The following HECW2 variants were observed in gnomAD, a reference collection of about 807,000 sequenced individuals.
The protein encoded by HECW2 is HECT, C2 and WW domain containing E3 ubiquitin protein ligase 2.
A neutral mutation model predicts 175.2 loss-of-function variants in HECW2; 61 were observed. That is an observed-to-expected ratio of 0.35 (90% CI 0.28 to 0.43). The LOEUF is 0.43. Among genes scored for constraint, HECW2 ranks in the 20% least tolerant of loss-of-function variants. The probability of loss-of-function intolerance (pLI) is 1.00; values close to 1 mark genes in which losing one functional copy is unlikely to be tolerated. For synonymous variants in HECW2, 671 were observed against 731.0 expected (o/e 0.92, Z 1.32); for missense variants, 1,524 against 2,000.5 (o/e 0.76, Z 4.54).
intron 20 of HECW2, among the ~76,000 whole-genome samples, chr2:196,241,194 T>C (rs1358579810): frequency 6.6e-6 from 1 of 152,214 alleles, no homozygotes; most frequent in East Asian, 1.9e-4. Flanking sequence ...TTGCTCTTAA[T>C]GTAAATGGTA....
chr2:196,390,680 A>C (rs1694480882), intron 2 of HECW2, among the ~76,000 whole-genome samples: 1 of 152,156 alleles, frequency 6.6e-6, no homozygotes. Flanking sequence ...TTATTAACAC[A>C]ACAGTTTCAT....
At chr2:196,512,863 T>C (rs1688001986) in intron 1 of HECW2, among the ~76,000 whole-genome samples, 1 of 152,140 alleles carries the variant, frequency 6.6e-6, no homozygotes, top group Non-Finnish European at 1.5e-5. Context: ...CTAATTTTTT[T>C]GTATTTTTAG....
intron 18 of HECW2, 84 bp from the exon 19 acceptor site, chr2:196,254,113 T>G: frequency 1.0e-5 from 16 of 1,545,926 alleles, no homozygotes; most frequent in Non-Finnish European, 1.3e-5. Flanking sequence ...GAATATTCCA[T>G]CCAAGATCCG....
At chr2:196,277,250 AAGT>A (rs1689992582) in intron 15 of HECW2, among the ~76,000 whole-genome samples, 1 of 152,186 alleles carries the variant, frequency 6.6e-6, no homozygotes, top group African/African-American at 2.4e-5. Context: ...CAAATCGGTA[AAGT>A]AGAGCAGTTT....
Position 196,335,207 on chromosome 2 carries a change from C to T in HECW2, c.401-689G>A, listed in dbSNP as rs138859890. 1.8e-3 allele frequency among the ~76,000 whole-genome samples: 276 copies of T among 152,320 alleles called. 1 individual carries two copies. Among genetic ancestry groups the T allele is most frequent in the African/African-American group, 6.1e-3 (252 of 41,562 alleles). Reference sequence around the variant, plus strand: ...ATCTCACAGCTTGTGGCAATCCACACATTTCATACATTTTTTTCTGATAAT... The same window carrying T: ...ATCTCACAGCTTGTGGCAATCCACATATTTCATACATTTTTTTCTGATAAT... On this transcript the variant is annotated intron_variant, in intron 3 of 28. Coordinates refer to ENST00000644978, the MANE Select transcript of HECW2 (RefSeq NM_001348768.2).
chr2:196,281,363 C>T (rs187172543), intron 14 of HECW2, among the ~76,000 whole-genome samples: 128 of 152,196 alleles, frequency 8.4e-4, no homozygotes, highest in African/African-American at 2.8e-3. Flanking sequence ...TTGGGCCAGG[C>T]GCGATGGCTC....
rs767728230 is a variant in HECW2 at position 196,194,985 on chromosome 2, G to A, written c.*6292C>T. Reference sequence around the variant, plus strand: ...TAGATTAATACTTTCAGTAAGAGGCGAGAGAGATGCATGTATTTTTATTCA... The same window carrying A: ...TAGATTAATACTTTCAGTAAGAGGCAAGAGAGATGCATGTATTTTTATTCA... On this transcript the variant is annotated 3_prime_UTR_variant, in exon 29 of 29. Transcript: ENST00000644978. 1.3e-5 allele frequency: 2 copies of A among 152,148 alleles called. No homozygotes were observed. Among genetic ancestry groups the A allele is most frequent in the East Asian group, 1.9e-4 (1 of 5,200 alleles). The allele number at this position is 152,148 out of a possible 1,614,324, so 9.4% of individuals were successfully genotyped here.
At chr2:196,207,259 T>C (rs987485225) in intron 28 of HECW2, among the ~76,000 whole-genome samples, 2 of 152,184 alleles carry the variant, frequency 1.3e-5, no homozygotes, top group Admixed American at 6.5e-5. Flanking sequence ...GGACAGATGA[T>C]GAATTCAAGG....
chr2:196,575,132 C>CAA (rs1160625775), intron 1 of HECW2, among the ~76,000 whole-genome samples: 1 of 103,130 alleles, frequency 9.7e-6, no homozygotes, highest in African/African-American at 3.7e-5. Flanking sequence ...AGACATTTTG[C>CAA]AAAAAAAAAA....
At chr2:196,202,858 T>C (rs185720465) in intron 28 of HECW2, among the ~76,000 whole-genome samples, 273 of 152,308 alleles carry the variant, frequency 1.8e-3, no homozygotes, top group Middle Eastern at 3.4e-3. Context: ...TTTGGAATAT[T>C]TGCATATATA....
intron 28 of HECW2, among the ~76,000 whole-genome samples, chr2:196,202,816 A>G (rs1378025942): frequency 6.6e-6 from 1 of 152,230 alleles, no homozygotes; most frequent in Non-Finnish European, 1.5e-5. Flanking sequence ...GCTTGGCACC[A>G]GAAGTGCTTT....
At chr2:196,543,538 T>A (rs1689298579) in intron 1 of HECW2, among the ~76,000 whole-genome samples, 1 of 152,208 alleles carries the variant, frequency 6.6e-6, no homozygotes, top group Non-Finnish European at 1.5e-5. Flanking sequence ...AATATTGCCA[T>A]CCTTCTCAGT....
intron 1 of HECW2, among the ~76,000 whole-genome samples, chr2:196,467,723 G>C (rs919853238): frequency 2.6e-5 from 4 of 152,110 alleles, no homozygotes; most frequent in South Asian, 2.1e-4. Flanking sequence ...AGCAGGAAAA[G>C]GGAAGATTTT....
intron 10 of HECW2, among the ~76,000 whole-genome samples, chr2:196,312,807 C>A (rs922135586): frequency 6.6e-6 from 1 of 152,116 alleles, no homozygotes; most frequent in Non-Finnish European, 1.5e-5. Context: ...TAAAAGTATC[C>A]ATTTTTTCCT....
intron 21 of HECW2, among the ~76,000 whole-genome samples, chr2:196,237,385 C>T (rs939457121): frequency 1.3e-5 from 2 of 152,112 alleles, no homozygotes; most frequent in African/African-American, 4.8e-5. Flanking sequence ...ATGTATCATT[C>T]TTATGCTTTT....
chr2:196,201,421 AC>A, intron 28 of HECW2, 33 bp from the exon 29 acceptor site: 1 of 1,471,448 alleles, frequency 6.8e-7, no homozygotes, highest in African/African-American at 1.4e-5. Context: ...ATAGTTTAGA[AC>A]AGGCCGAGTG....
At chr2:196,209,772 T>C (rs1159956533) in intron 28 of HECW2, among the ~76,000 whole-genome samples, 2 of 151,190 alleles carry the variant, frequency 1.3e-5, no homozygotes, top group African/African-American at 2.4e-5. Context: ...TTTCTTTTTT[T>C]TTTTTTTTTG....
chr2:196,501,694 G>A (rs1687583819), intron 1 of HECW2, among the ~76,000 whole-genome samples: 1 of 152,076 alleles, frequency 6.6e-6, no homozygotes, highest in Non-Finnish European at 1.5e-5. Context: ...AAATGTAAAA[G>A]ACTCTCAATA....
In HECW2 at chr2:196,272,885, T is replaced by C. The variant is rs982527148; in HGVS notation, c.3238+1136A>G. 7.2e-5 allele frequency among the ~76,000 whole-genome samples: 7 copies of C among 97,884 alleles called. 1 individual carries two copies. The highest frequency in any genetic ancestry group is 1.8e-4 in the African/African-American group (7 of 39,050). The allele number at this position is 97,884 out of a possible 152,430, so 64.2% of individuals were successfully genotyped here. ...TGTGCAGTATTTAGTGTCATATTAG[T>C]AATAACATAAAAAAAAACCTAGACT... is the stretch of plus-strand genomic sequence containing the variant. On this transcript the variant is annotated intron_variant, in intron 16 of 28. Transcript: ENST00000644978.
Sources: allele counts gnomAD v4.1 joint callset (sites outside exome capture counted in the v4.1 genomes callset), GRCh38; gene constraint gnomAD v4.1.1; transcripts MANE v1.5; gene names NCBI Gene and HGNC (gene_info 2026-07-23, HGNC 2026-07-21).